The following SUMF1 variants were observed in gnomAD, a reference collection of about 807,000 sequenced individuals.
SUMF1 encodes formylglycine-generating enzyme.
Under a neutral mutation model 47.6 loss-of-function variants are expected in SUMF1, and 48 were observed. The ratio of observed to expected loss-of-function variants is 1.01; its 90% CI spans 0.80 to 1.28. SUMF1 has a LOEUF of 1.28. Among genes scored for constraint, SUMF1 ranks in the 50% most tolerant of loss-of-function variants. The pLI, the probability that SUMF1 is intolerant of heterozygous loss-of-function variation, is 0.00. For missense variants in SUMF1, 571 were observed against 485.4 expected (o/e 1.18, Z -1.66); for synonymous variants, 230 against 192.1 (o/e 1.20, Z -1.63).
chr3:4,396,226 C>T (rs752449458), intron 7 of SUMF1, among the ~76,000 whole-genome samples: 10 of 152,348 alleles, frequency 6.6e-5, no homozygotes, highest in East Asian at 3.9e-4. Flanking sequence ...GCATCATAGT[C>T]GGCCATTCTG....
intron 8 of SUMF1, among the ~76,000 whole-genome samples, chr3:4,184,975 A>G (rs1186211615): frequency 1.3e-5 from 2 of 152,122 alleles, no homozygotes; most frequent in Non-Finnish European, 2.9e-5. Context: ...AAAGGTCTCC[A>G]AAATGCTCTG....
At chr3:4,085,825 A>G (rs1559458354) in intron 8 of SUMF1, among the ~76,000 whole-genome samples, 1 of 152,058 alleles carries the variant, frequency 6.6e-6, no homozygotes, top group Non-Finnish European at 1.5e-5. Flanking sequence ...CTTTCTTGAC[A>G]TTATACTATA....
At chr3:4,385,662 G>A (rs796707032) in intron 7 of SUMF1, among the ~76,000 whole-genome samples, 37 of 152,058 alleles carry the variant, frequency 2.4e-4, no homozygotes, top group African/African-American at 8.9e-4. Context: ...TCCATATGTG[G>A]GTGATCATGC....
At chr3:4,151,556 TAC>T (rs35911373) in intron 8 of SUMF1, among the ~76,000 whole-genome samples, 34,142 of 137,010 alleles carry the variant, frequency 0.25, 4,856 homozygotes, top group East Asian at 0.39. Context: ...TGTGTGTATA[TAC>T]ACACACACAC....
chr3:4,177,093 G>A (rs1339525747), intron 8 of SUMF1, among the ~76,000 whole-genome samples: 1 of 152,144 alleles, frequency 6.6e-6, no homozygotes, highest in Non-Finnish European at 1.5e-5. Flanking sequence ...AAAAATGGGA[G>A]ACTTTAATAC....
intron 7 of SUMF1, among the ~76,000 whole-genome samples, chr3:4,405,046 T>C (rs1266315722): frequency 6.6e-6 from 1 of 152,172 alleles, no homozygotes; most frequent in Non-Finnish European, 1.5e-5. Flanking sequence ...AACAGTCTCA[T>C]GTTTCTGTTG....
rs1441222746 is a variant in SUMF1, at chr3:4,195,335, C to G, written c.1015-126590G>C. ...TATGCATGTGGGTCATAACCAATTC[C>G]TGTACATAAGCCAAGGGAAGAGCAA... is the stretch of plus-strand genomic sequence containing the variant. On this transcript the variant is annotated intron_variant and NMD_transcript_variant, in intron 8 of 12. Transcript: ENST00000448413. Among the ~76,000 whole-genome samples, 5 of 152,166 alleles carry G rather than the reference C, an allele frequency of 3.3e-5. No individual in the cohort carries two copies. In the East Asian group the frequency reaches 9.6e-4, roughly 29 times the overall value.
At chr3:4,415,697 C>T (rs1701690145) in intron 6 of SUMF1, among the ~76,000 whole-genome samples, 1 of 152,070 alleles carries the variant, frequency 6.6e-6, no homozygotes, top group Admixed American at 6.5e-5. Flanking sequence ...CCTGTAGTCC[C>T]AGCTACTCGG....
chr3:4,267,943 T>TGC, intron 8 of SUMF1, among the ~76,000 whole-genome samples: 1 of 151,590 alleles, frequency 6.6e-6, no homozygotes, highest in Middle Eastern at 3.4e-3. Context: ...ACACGTATGT[T>TGC]TATTGTGGCA....
intron 1 of SUMF1, among the ~76,000 whole-genome samples, chr3:4,466,695 A>G (rs1306868273): frequency 6.6e-6 from 1 of 152,298 alleles, no homozygotes; most frequent in Admixed American, 6.5e-5. Context: ...TGATTGCCTT[A>G]AAATTATGAG....
chr3:4,161,565 C>T (rs898296413), intron 8 of SUMF1, among the ~76,000 whole-genome samples: 1 of 152,106 alleles, frequency 6.6e-6, no homozygotes, highest in African/African-American at 2.4e-5. Context: ...TGGAGTCTCT[C>T]TCCATAGCTG....
chr3:4,283,801 G>A (rs944511341), intron 8 of SUMF1, among the ~76,000 whole-genome samples: 5 of 152,096 alleles, frequency 3.3e-5, no homozygotes, highest in African/African-American at 1.2e-4. Flanking sequence ...CTGGAGGCTG[G>A]GGAGTACACC....
chr3:4,221,413 G>T (rs953165955), intron 8 of SUMF1, among the ~76,000 whole-genome samples: 25 of 87,140 alleles, frequency 2.9e-4, no homozygotes, highest in Admixed American at 2.4e-3. Context: ...TGGTTTTTTG[G>T]GGTGTGTGTG....
intron 8 of SUMF1, among the ~76,000 whole-genome samples, chr3:4,252,665 C>T (rs1404634554): frequency 6.6e-6 from 1 of 152,056 alleles, no homozygotes; most frequent in Non-Finnish European, 1.5e-5. Context: ...TCCATCAAAC[C>T]ACTTTCTTCC....
At chr3:4,462,723 G>C (rs931392935) in intron 1 of SUMF1, among the ~76,000 whole-genome samples, 1 of 152,138 alleles carries the variant, frequency 6.6e-6, no homozygotes, top group East Asian at 1.9e-4. Context: ...TAAGCTAAAG[G>C]TTCATGAGAA....
At chr3:4,314,990 A>T (rs1025215509) in intron 8 of SUMF1, among the ~76,000 whole-genome samples, 10 of 152,216 alleles carry the variant, frequency 6.6e-5, no homozygotes, top group African/African-American at 2.4e-4. Flanking sequence ...TGAAATATAC[A>T]GCGTGTGAAT....
chr3:4,439,349 C>T (rs1214408740), intron 3 of SUMF1, among the ~76,000 whole-genome samples: 3 of 151,524 alleles, frequency 2.0e-5, no homozygotes, highest in African/African-American at 7.3e-5. Context: ...CACAGCAAAA[C>T]TCCATCTCTA....
intron 8 of SUMF1, among the ~76,000 whole-genome samples, chr3:4,169,548 C>A (rs1694787570): frequency 6.6e-6 from 1 of 152,070 alleles, no homozygotes; most frequent in African/African-American, 2.4e-5. Context: ...AGAAGCATGC[C>A]CTTGCAGACA....
intron 8 of SUMF1, among the ~76,000 whole-genome samples, chr3:4,068,913 C>G (rs1255494849): frequency 6.6e-6 from 1 of 152,046 alleles, no homozygotes. Context: ...AAGTGTCTTG[C>G]CCCAGGTCAC....
Sources: gnomAD v4.1 joint callset for allele counts (sites outside exome capture counted in the v4.1 genomes callset) on GRCh38, gnomAD v4.1.1 for gene constraint, MANE v1.5 for transcripts, NCBI Gene and HGNC (gene_info 2026-07-23, HGNC 2026-07-21) for gene names.